DYM: variants seen among roughly 807,000 people sequenced by gnomAD.
DYM encodes dymeclin.
A neutral mutation model predicts 93.1 loss-of-function variants in DYM; 78 were observed. The ratio of observed to expected loss-of-function variants is 0.84; its 90% CI spans 0.70 to 1.01. The LOEUF is 1.01. Ranked by LOEUF, DYM falls within the 50% of genes least tolerant of loss-of-function variation. The pLI is 0.00. For missense variants in DYM, 789 were observed against 845.0 expected (o/e 0.93, Z 0.82); for synonymous variants, 321 against 319.7 (o/e 1.00, Z -0.04).
At chr18:49,222,135 A>G (rs982230967) in intron 13 of DYM, among the ~76,000 whole-genome samples, 5 of 152,082 alleles carry the variant, frequency 3.3e-5, no homozygotes, top group African/African-American at 1.2e-4. Flanking sequence ...TCACTTACTT[A>G]AAATTAGTTA....
At chr18:49,220,270 G>A (rs2093292651) in intron 13 of DYM, among the ~76,000 whole-genome samples, 1 of 149,512 alleles carries the variant, frequency 6.7e-6, no homozygotes, top group Non-Finnish European at 1.5e-5. Flanking sequence ...CAAACAAATG[G>A]AAGAACATTC....
chr18:49,260,858 GAA>G (rs76130038), intron 11 of DYM, among the ~76,000 whole-genome samples: 3 of 135,372 alleles, frequency 2.2e-5, no homozygotes, highest in African/African-American at 8.1e-5. Flanking sequence ...ATCTCCGGGA[GAA>G]AAAAAAAAAA....
chr18:49,227,946 G>A (rs2093586465), intron 13 of DYM, among the ~76,000 whole-genome samples: 1 of 152,048 alleles, frequency 6.6e-6, no homozygotes, highest in Non-Finnish European at 1.5e-5. Flanking sequence ...CTTCTATGAG[G>A]CCCTCCCCGA....
At chr18:49,191,086 G>T in intron 14 of DYM, among the ~76,000 whole-genome samples, 2 of 149,230 alleles carry the variant, frequency 1.3e-5, no homozygotes, top group Non-Finnish European at 1.5e-5. Context: ...GGGAGTGCAG[G>T]GGGGTTTGGG....
chr18:49,395,582 T>C (rs145405132), intron 2 of DYM, among the ~76,000 whole-genome samples: 1 of 151,840 alleles, frequency 6.6e-6, no homozygotes, highest in Non-Finnish European at 1.5e-5. Flanking sequence ...TGAGCCAAGA[T>C]TGTGCCATTA....
chr18:49,419,569 T>C (rs568022644), intron 2 of DYM, among the ~76,000 whole-genome samples: 23 of 152,332 alleles, frequency 1.5e-4, no homozygotes, highest in African/African-American at 5.3e-4. Flanking sequence ...TACATACACA[T>C]ACATTTATTC....
At chr18:49,318,423 T>C (rs974203971) in intron 8 of DYM, among the ~76,000 whole-genome samples, 1 of 152,034 alleles carries the variant, frequency 6.6e-6, no homozygotes, top group Non-Finnish European at 1.5e-5. Context: ...ATCAAGATAA[T>C]CCTGGCCAAA....
chr18:49,346,536 T>C (rs1418920503), intron 6 of DYM, among the ~76,000 whole-genome samples: 1 of 152,164 alleles, frequency 6.6e-6, no homozygotes, highest in Non-Finnish European at 1.5e-5. Flanking sequence ...CTTTGGATAA[T>C]GAAAATGTTC....
chr18:49,097,627 C>T lies in DYM; in HGVS notation c.1912-112G>A, dbSNP rs183607505. The T allele has an allele frequency of 4.9e-5, 49 of 1,000,962 alleles. No individual in the cohort carries two copies. The East Asian group carries it at 7.0e-4, about 14-fold the overall frequency. 62.0% of individuals were successfully genotyped at this position (1,000,962 alleles called of 1,614,324 possible). ...TCATGATTCCATTCCTACAGTGACC[C>T]GGCTTTTAATTCACTAGCCCTCCTA... On this transcript the variant is annotated intron_variant, in intron 16 of 17. Coordinates refer to ENST00000675505, the MANE Select transcript of DYM (RefSeq NM_001353214.3).
At chr18:49,146,877 C>T (rs933714223) in intron 15 of DYM, among the ~76,000 whole-genome samples, 39 of 152,072 alleles carry the variant, frequency 2.6e-4, no homozygotes, top group Admixed American at 8.5e-4. Flanking sequence ...AAAAAGAGCC[C>T]GCATCGCCAA....
chr18:49,060,489 A>G (rs1402743328), intron 17 of DYM, among the ~76,000 whole-genome samples: 2 of 151,224 alleles, frequency 1.3e-5, no homozygotes, highest in Non-Finnish European at 2.9e-5. Context: ...GCCTGGCTGG[A>G]CATGGGTTTG....
At chr18:49,168,108 A>G (rs981464337) in intron 14 of DYM, among the ~76,000 whole-genome samples, 16 of 152,310 alleles carry the variant, frequency 1.1e-4, no homozygotes, top group Admixed American at 2.0e-4. Flanking sequence ...CAGATAAAAT[A>G]TATTAATAAC....
At chr18:49,269,648 G>A (rs976832951) in intron 11 of DYM, among the ~76,000 whole-genome samples, 8 of 152,172 alleles carry the variant, frequency 5.3e-5, no homozygotes, top group African/African-American at 1.9e-4. Context: ...CATATACAAA[G>A]AAGGTCCCAG....
At chr18:49,317,618 T>TA (rs2062079397) in intron 8 of DYM, among the ~76,000 whole-genome samples, 1 of 12,806 alleles carries the variant, frequency 7.8e-5, no homozygotes. Flanking sequence ...CCTCCCTCCC[T>TA]CCCTCCCTCC....
At chr18:49,185,745 C>T (rs1460229157) in intron 14 of DYM, among the ~76,000 whole-genome samples, 3 of 152,178 alleles carry the variant, frequency 2.0e-5, no homozygotes, top group Non-Finnish European at 4.4e-5. Flanking sequence ...TAATCCTGGC[C>T]TCAACCCAGA....
intron 8 of DYM, among the ~76,000 whole-genome samples, chr18:49,312,673 C>G (rs1004347067): frequency 6.6e-6 from 1 of 152,156 alleles, no homozygotes; most frequent in African/African-American, 2.4e-5. Flanking sequence ...GGTACGAGAA[C>G]TTGGGAACCG....
In DYM at chr18:49,407,614, T is replaced by C. The variant is rs77648768; in HGVS notation, c.141-15969A>G. Among the ~76,000 whole-genome samples the C allele has an allele frequency of 1.8e-3, 271 of 152,270 alleles. 5 individuals carry two copies. In the East Asian group the frequency reaches 0.034, roughly 19 times the overall value. Reference sequence around the variant, plus strand: ...CTTGTGTGAACAAACTGAGCAAGAATTCACTCATCATCAGGGGATGGCGCT... The same window carrying C: ...CTTGTGTGAACAAACTGAGCAAGAACTCACTCATCATCAGGGGATGGCGCT... On this transcript the variant is annotated intron_variant, in intron 2 of 17. Coordinates refer to ENST00000675505, the MANE Select transcript of DYM (RefSeq NM_001353214.3).
At chr18:49,183,819 T>G (rs1257657256) in intron 14 of DYM, among the ~76,000 whole-genome samples, 2 of 152,064 alleles carry the variant, frequency 1.3e-5, no homozygotes, top group Non-Finnish European at 2.9e-5. Flanking sequence ...AAGGAAATAA[T>G]TAAGGTTAAT....
intron 14 of DYM, among the ~76,000 whole-genome samples, chr18:49,165,712 G>A: frequency 6.6e-6 from 1 of 152,092 alleles, no homozygotes; most frequent in South Asian, 2.1e-4. Context: ...ATTACATGAA[G>A]TAATTACTGA....
Sources: allele counts gnomAD v4.1 joint callset (sites outside exome capture counted in the v4.1 genomes callset), GRCh38; gene constraint gnomAD v4.1.1; transcripts MANE v1.5; gene names NCBI Gene and HGNC (gene_info 2026-07-23, HGNC 2026-07-21).